SIN3A: variants seen among roughly 807,000 people sequenced by gnomAD.
SIN3A encodes the protein paired amphipathic helix protein Sin3a.
A neutral mutation model predicts 146.1 loss-of-function variants in SIN3A; 14 were observed. The ratio of observed to expected loss-of-function variants is 0.10; its 90% CI spans 0.06 to 0.15. SIN3A has a LOEUF of 0.15. Ranked by LOEUF, SIN3A falls within the 10% of genes least tolerant of loss-of-function variation. The pLI is 1.00. For missense variants in SIN3A, 1,028 were observed against 1,576.0 expected (o/e 0.65, Z 5.89); for synonymous variants, 572 against 572.0 (o/e 1.00, Z 0.00).
intron 2 of SIN3A, among the ~76,000 whole-genome samples, chr15:75,425,897 GA>G (rs1000078293): frequency 5.3e-5 from 8 of 152,136 alleles, no homozygotes; most frequent in African/African-American, 1.9e-4. Flanking sequence ...GGGAGATGAA[GA>G]AATGAGGGAG....
intron 9 of SIN3A, among the ~76,000 whole-genome samples, chr15:75,405,715 C>A (rs780267517): frequency 6.6e-6 from 1 of 152,102 alleles, no homozygotes; most frequent in Admixed American, 6.6e-5. Context: ...TGCGCCATTG[C>A]ACTCCAAGCT....
In SIN3A at chr15:75,400,776, C is replaced by G. The variant is rs2073397295; in HGVS notation, c.1691G>C (p.Ser564Thr). The stretch of plus-strand genomic sequence containing the variant: ...TCCTGTACACTTGGGCTGCTGGTAA[C>G]TCTTTGGTAAGGCTCGATAGCTGGA... The part of the protein sequence containing the change: ...LGSSYRALPK[S>T]YQQPKCTGRT... The change falls in exon 11 of 21, where the codon AGT (serine) becomes ACT (threonine). Residue 564 changes from serine (S) to threonine (T), a missense_variant. Ser to Thr is a moderately conservative substitution (Grantham distance 58). This residue lies in a region of SIN3A where 157 missense variants were observed against 284.8 expected (regional missense o/e 0.55). Transcript: ENST00000394947. The G allele has an allele frequency of 1.9e-6, 3 of 1,613,986 alleles. No homozygotes were observed. The African/African-American group carries it at 4.0e-5, about 22-fold the overall frequency.
intron 1 of SIN3A, among the ~76,000 whole-genome samples, chr15:75,442,696 A>G (rs2074238078): frequency 6.6e-6 from 1 of 151,450 alleles, no homozygotes; most frequent in African/African-American, 2.4e-5. Flanking sequence ...TTGGGAGGCC[A>G]AGGCAGGTGG....
intron 19 of SIN3A, among the ~76,000 whole-genome samples, chr15:75,376,978 CAGG>C (rs1252686058): frequency 6.6e-6 from 1 of 151,846 alleles, no homozygotes; most frequent in Non-Finnish European, 1.5e-5. Context: ...AGGACCCTTT[CAGG>C]AGATCTGTGA....
At position 75,371,531 on chromosome 15, in the gene SIN3A, A is replaced by G. The variant is rs2141355308; in HGVS notation, c.*448T>C. On this transcript the variant is annotated 3_prime_UTR_variant, in exon 21 of 21. Coordinates refer to ENST00000394947, the MANE Select transcript of SIN3A (RefSeq NM_001145358.2). ...TTTCCTTTTGTGGGGAGGGGAGAGG[A>G]GCAGTGACCATGATAGTTCCAATCC... 1 of 157,742 alleles carries G rather than the reference A, an allele frequency of 6.3e-6. No homozygotes were observed. Among genetic ancestry groups the G allele is most frequent in the South Asian group, 2.0e-4 (1 of 4,896 alleles). 9.8% of individuals were successfully genotyped at this position (157,742 alleles called of 1,614,324 possible).
chr15:75,443,737 G>C (rs898431832), intron 1 of SIN3A: 4 of 152,056 alleles, frequency 2.6e-5, no homozygotes, highest in African/African-American at 4.8e-5. Flanking sequence ...AAAAGTTGCT[G>C]TAAGTTTTGG....
intron 17 of SIN3A, among the ~76,000 whole-genome samples, chr15:75,382,074 C>T (rs547026919): frequency 5.1e-4 from 77 of 152,252 alleles, no homozygotes; most frequent in African/African-American, 1.8e-3. Context: ...ACTTCTAGGA[C>T]GTAATAGAGG....
chr15:75,441,260 C>T (rs1021190958), intron 1 of SIN3A, among the ~76,000 whole-genome samples: 5 of 151,830 alleles, frequency 3.3e-5, no homozygotes, highest in African/African-American at 4.8e-5. Flanking sequence ...ACCGAGATCT[C>T]GCCACTACAC....
At chr15:75,432,045 T>C (rs116230355) in intron 1 of SIN3A, among the ~76,000 whole-genome samples, 345 of 152,378 alleles carry the variant, frequency 2.3e-3, no homozygotes, top group African/African-American at 8.1e-3. Flanking sequence ...AGAACGTTTC[T>C]GACAGCTGCT....
At chr15:75,441,507 C>T (rs887651282) in intron 1 of SIN3A, among the ~76,000 whole-genome samples, 6 of 151,968 alleles carry the variant, frequency 3.9e-5, no homozygotes, top group African/African-American at 7.3e-5. Context: ...TTGCACAGGC[C>T]GGTCTTGAAC....
intron 20 of SIN3A, among the ~76,000 whole-genome samples, 162 bp from the exon 21 acceptor site, chr15:75,372,371 G>T (rs2072768946): frequency 6.6e-6 from 1 of 152,014 alleles, no homozygotes; most frequent in African/African-American, 2.4e-5. Flanking sequence ...AGGATTCTCT[G>T]TTTAAAGAGA....
intron 1 of SIN3A, among the ~76,000 whole-genome samples, chr15:75,437,998 G>C (rs1032484689): frequency 6.6e-6 from 1 of 151,972 alleles, no homozygotes; most frequent in African/African-American, 2.4e-5. Context: ...CAGCCTGAGC[G>C]ACAGAGGAAG....
chr15:75,411,253 G>A (rs1388461923), intron 6 of SIN3A, among the ~76,000 whole-genome samples: 1 of 152,208 alleles, frequency 6.6e-6, no homozygotes, highest in South Asian at 2.1e-4. Context: ...ACTTGAGCCC[G>A]GGAGGCGGAG....
At chr15:75,407,808 G>A (rs1595904890) in intron 8 of SIN3A, among the ~76,000 whole-genome samples, 1 of 140,318 alleles carries the variant, frequency 7.1e-6, no homozygotes, top group Non-Finnish European at 1.5e-5. Context: ...CAGAAGAATC[G>A]CTTGAACCCA....
chr15:75,373,830 G>A (rs1181218675), intron 20 of SIN3A, among the ~76,000 whole-genome samples: 1 of 151,902 alleles, frequency 6.6e-6, no homozygotes, highest in Non-Finnish European at 1.5e-5. Context: ...TTGTTTATCA[G>A]TAAGCCTTCC....
chr15:75,427,488 C>T (rs535766161), intron 2 of SIN3A, among the ~76,000 whole-genome samples: 3 of 151,982 alleles, frequency 2.0e-5, no homozygotes, highest in African/African-American at 7.2e-5. Context: ...AGCGAAACCC[C>T]ATCTCCACTA....
intron 9 of SIN3A, among the ~76,000 whole-genome samples, chr15:75,402,614 T>C (rs1316467590): frequency 6.6e-6 from 1 of 152,144 alleles, no homozygotes; most frequent in Non-Finnish European, 1.5e-5. Flanking sequence ...ATAATGATTA[T>C]GTTTGCAATA....
chr15:75,418,534 G>A (rs1376527882), intron 3 of SIN3A, among the ~76,000 whole-genome samples: 14 of 151,980 alleles, frequency 9.2e-5, no homozygotes, highest in Non-Finnish European at 1.5e-4. Flanking sequence ...TGGCCAGGCT[G>A]GTCTTGAACT....
At position 75,401,938 on chromosome 15, in the gene SIN3A, G is replaced by A. The variant is rs148031099; in HGVS notation, c.1440C>T (p.Tyr480=). 1.4e-5 allele frequency: 22 copies of A among 1,613,584 alleles called. No homozygotes were observed. Among genetic ancestry groups the A allele is most frequent in the South Asian group, 3.3e-5 (3 of 91,076 alleles). The change falls in exon 10 of 21, where the codon TAC becomes TAT. Residue 480 remains tyrosine (Y), a synonymous_variant. Coordinates refer to ENST00000394947, the MANE Select transcript of SIN3A (RefSeq NM_001145358.2). ...TAACAAGACAGCGTAGGAAATTTTC[G>A]TAGGCTTCTGCACTCCGAAGAGCCT... is the stretch of plus-strand genomic sequence containing the variant. The part of the protein sequence containing the change: ...VRKALRSAEA[Y]ENFLRCLVIF...
Sources: allele counts gnomAD v4.1 joint callset (sites outside exome capture counted in the v4.1 genomes callset), GRCh38; gene constraint gnomAD v4.1.1; regional missense constraint gnomAD v4.1.1; transcripts MANE v1.5; gene names NCBI Gene and HGNC (gene_info 2026-07-23, HGNC 2026-07-21).